RASGEF1C: variants seen among roughly 807,000 people sequenced by gnomAD.
RASGEF1C encodes the protein RasGEF domain family member 1C.
Under a neutral mutation model 58.1 loss-of-function variants are expected in RASGEF1C, and 27 were observed. That is an observed-to-expected ratio of 0.46 (90% CI 0.34 to 0.64). RASGEF1C has a LOEUF of 0.64. RASGEF1C is among the 30% of genes least tolerant of loss of function. The probability of loss-of-function intolerance (pLI) is 0.01; values close to 1 mark genes in which losing one functional copy is unlikely to be tolerated. For missense variants in RASGEF1C, 502 were observed against 605.1 expected (o/e 0.83, Z 1.79); for synonymous variants, 243 against 246.3 (o/e 0.99, Z 0.13).
chr5:180,161,905 G>T (rs540332785), intron 1 of RASGEF1C, among the ~76,000 whole-genome samples: 2 of 152,284 alleles, frequency 1.3e-5, no homozygotes, highest in Non-Finnish European at 2.9e-5. Context: ...CTGCCTCCCC[G>T]CAAGGCCAGG....
intron 3 of RASGEF1C, chr5:180,136,840 G>A (rs532160381): frequency 2.0e-4 from 71 of 351,334 alleles, no homozygotes; most frequent in African/African-American, 1.4e-3. Flanking sequence ...GGTCTGTGCC[G>A]ACCAATCAGA....
intron 1 of RASGEF1C, among the ~76,000 whole-genome samples, chr5:180,166,704 C>T (rs988253904): frequency 1.3e-5 from 2 of 151,824 alleles, no homozygotes; most frequent in African/African-American, 2.4e-5. Context: ...TTAGTAGAGA[C>T]GGGGTTTCAC....
intron 6 of RASGEF1C, 41 bp downstream of exon 6, chr5:180,127,568 G>A (rs367752476): frequency 1.3e-6 from 2 of 1,566,078 alleles, no homozygotes; most frequent in Non-Finnish European, 1.7e-6. Context: ...CCAGTCACTG[G>A]GTGAGGCTCA....
intron 1 of RASGEF1C, among the ~76,000 whole-genome samples, chr5:180,144,464 TC>T (rs1174268673): frequency 6.6e-6 from 1 of 152,114 alleles, no homozygotes; most frequent in Admixed American, 6.6e-5. Flanking sequence ...AGTGAGACCC[TC>T]ATCTCTAGAA....
intron 11 of RASGEF1C, among the ~76,000 whole-genome samples, chr5:180,112,729 G>A (rs537773673): frequency 2.0e-5 from 3 of 152,374 alleles, no homozygotes; most frequent in Admixed American, 1.3e-4. Context: ...TCACAGCTAC[G>A]CCGAGACACG....
chr5:180,102,220 G>A, intron 12 of RASGEF1C, 77 bp from the exon 13 acceptor site: 1 of 860,774 alleles, frequency 1.2e-6, no homozygotes, highest in Non-Finnish European at 2.0e-6. Flanking sequence ...ATATCTGCGT[G>A]GGTCTCTTTC....
At chr5:180,141,923 T>C (rs1035361864) in intron 1 of RASGEF1C, among the ~76,000 whole-genome samples, 1 of 152,170 alleles carries the variant, frequency 6.6e-6, no homozygotes, top group Non-Finnish European at 1.5e-5. Flanking sequence ...TTAGCCAGGA[T>C]GGTCTCGATC....
At chr5:180,126,774 G>A (rs56306954) in intron 6 of RASGEF1C, among the ~76,000 whole-genome samples, 23,358 of 152,110 alleles carry the variant, frequency 0.15, 1,935 homozygotes, top group South Asian at 0.21. Context: ...AAATATCTTC[G>A]TCCGTGCATG....
chr5:180,156,053 C>T lies in RASGEF1C; in HGVS notation c.-6-17995G>A, dbSNP rs868421022. 6.6e-6 allele frequency among the ~76,000 whole-genome samples: 1 copy of T among 152,166 alleles called. No homozygotes were observed. Among genetic ancestry groups the T allele is most frequent in the Non-Finnish European group, 1.5e-5 (1 of 68,036 alleles). On this transcript the variant is annotated intron_variant, in intron 1 of 13. Coordinates refer to ENST00000361132, the MANE Select transcript of RASGEF1C (RefSeq NM_175062.4). This position sits in a 1 kb window ranked among gnomAD's most constrained non-coding sequence, Gnocchi z 4.9. ...CCCAGGCTAATAAAAAGAGCGTTAC[C>T]AGTACCTTAAAATCCCTAATGCATC...
At chr5:180,187,351 A>G (rs1460592632) in intron 1 of RASGEF1C, among the ~76,000 whole-genome samples, 1 of 152,218 alleles carries the variant, frequency 6.6e-6, no homozygotes, top group Non-Finnish European at 1.5e-5. Flanking sequence ...GGATTTGGCA[A>G]TGGATTATTA....
At position 180,185,155 on chromosome 5, in the gene RASGEF1C, A is replaced by G. The variant is rs1295462231; in HGVS notation, c.-7+23873T>C. On this transcript the variant is annotated intron_variant, in intron 1 of 13. Transcript: ENST00000361132. ...AAAATACAAAAAATTAGCCGGGTGT[A>G]GTGGCGGGCACCTGTAGTCCCAGCT... 2.0e-5 allele frequency among the ~76,000 whole-genome samples: 3 copies of G among 151,604 alleles called. No homozygotes were observed. The East Asian group carries it at 5.8e-4, about 29-fold the overall frequency.
At chr5:180,112,155 G>T (rs1354624799) in intron 11 of RASGEF1C, among the ~76,000 whole-genome samples, 6 of 152,058 alleles carry the variant, frequency 3.9e-5, no homozygotes, top group Non-Finnish European at 7.4e-5. Context: ...TAAGGCAGGG[G>T]GTTCCCACGC....
intron 1 of RASGEF1C, among the ~76,000 whole-genome samples, chr5:180,153,207 G>T (rs914487209): frequency 7.2e-5 from 11 of 152,148 alleles, no homozygotes; most frequent in African/African-American, 2.7e-4. Flanking sequence ...TACAATGGGG[G>T]CCCACCTCTG....
chr5:180,135,089 G>A (rs1453121345), intron 4 of RASGEF1C: 1 of 126,882 alleles, frequency 7.9e-6, no homozygotes, highest in African/African-American at 2.8e-5. Flanking sequence ...CCTGTTCTGT[G>A]CTGCATCCTA....
intron 1 of RASGEF1C, among the ~76,000 whole-genome samples, chr5:180,190,339 A>C (rs1229641033): frequency 6.6e-6 from 1 of 151,596 alleles, no homozygotes; most frequent in East Asian, 1.9e-4. Context: ...CAAAACAAAA[A>C]ATTAGCCGGG....
intron 6 of RASGEF1C, among the ~76,000 whole-genome samples, chr5:180,124,178 G>C (rs961844150): frequency 6.6e-6 from 1 of 151,592 alleles, no homozygotes; most frequent in Non-Finnish European, 1.5e-5. Flanking sequence ...CTCGCAGTGA[G>C]CCGAGATAGC....
intron 1 of RASGEF1C, among the ~76,000 whole-genome samples, chr5:180,142,319 A>G (rs561032261): frequency 3.3e-5 from 5 of 152,292 alleles, no homozygotes; most frequent in African/African-American, 1.2e-4. Context: ...CAGTGCTGGC[A>G]GGCATGCAAG....
At chr5:180,171,598 C>T (rs568616432) in intron 1 of RASGEF1C, among the ~76,000 whole-genome samples, 32 of 152,268 alleles carry the variant, frequency 2.1e-4, no homozygotes, top group African/African-American at 6.7e-4. Context: ...CGCAGGTCAG[C>T]GTGAGCTGCC....
chr5:180,194,393 A>T lies in RASGEF1C; in HGVS notation c.-7+14635T>A, dbSNP rs181243588. Among the ~76,000 whole-genome samples the T allele has an allele frequency of 2.1e-3, 314 of 152,334 alleles. 2 individuals are homozygous for T. Among genetic ancestry groups the T allele is most frequent in the African/African-American group, 7.1e-3 (294 of 41,574 alleles). ...AAACATTTCAAGAACGGTGACATGC[A>T]GACACTTTAAGGTCCTTTTCATCAT... On this transcript the variant is annotated intron_variant, in intron 1 of 13. Transcript: ENST00000361132.
Sources: gnomAD v4.1 joint callset for allele counts (sites outside exome capture counted in the v4.1 genomes callset) on GRCh38, gnomAD v4.1.1 for gene constraint, Gnocchi (gnomAD v3.1) non-coding constraint, MANE v1.5 for transcripts, NCBI Gene and HGNC (gene_info 2026-07-23, HGNC 2026-07-21) for gene names.